The following PREP variants were observed in gnomAD, a reference collection of about 807,000 sequenced individuals.
PREP encodes prolyl endopeptidase.
PREP carries 29 observed loss-of-function variants against 87.6 expected under a neutral mutation model. The observed-to-expected ratio is 0.33, with a 90% CI of 0.25 to 0.45. The LOEUF is 0.45. Ranked by LOEUF, PREP falls within the 20% of genes least tolerant of loss-of-function variation. The probability of loss-of-function intolerance (pLI) is 1.00; values close to 1 mark genes in which losing one functional copy is unlikely to be tolerated. For missense variants in PREP, 695 were observed against 886.5 expected, an observed-to-expected ratio of 0.78 and a Z score of 2.74; for synonymous variants, 337 against 328.6, an observed-to-expected ratio of 1.03 and a Z score of -0.28.
Position 105,280,991 on chromosome 6 carries a change from A to G in PREP, c.1838+755T>C, listed in dbSNP as rs1002556436. 3.3e-5 allele frequency: 5 copies of G among 152,342 alleles called. No individual in the cohort carries two copies. In the East Asian group the frequency reaches 9.6e-4, roughly 29 times the overall value. 9.4% of individuals were successfully genotyped at this position (152,342 alleles called of 1,614,324 possible). A position where few individuals can be genotyped will look rare whatever the true frequency, so the allele number is the denominator to read the frequency against. ...TACCTTTTGATTGTTACAGTAACAA[A>G]TTACCACAAATTTTAGCAGCTTGAA... is the stretch of plus-strand genomic sequence containing the variant. On this transcript the variant is annotated intron_variant, in intron 14 of 14. Coordinates refer to ENST00000652536, the MANE Select transcript of PREP (RefSeq NM_002726.5).
intron 7 of PREP, among the ~76,000 whole-genome samples, chr6:105,336,600 C>T (rs930376316): frequency 6.6e-6 from 1 of 152,136 alleles, no homozygotes; most frequent in African/African-American, 2.4e-5. Context: ...TCTAGTGATG[C>T]TTTCTGCTTT....
intron 10 of PREP, among the ~76,000 whole-genome samples, chr6:105,299,684 T>C (rs1562191442): frequency 6.6e-6 from 1 of 152,240 alleles, no homozygotes; most frequent in Non-Finnish European, 1.5e-5. Flanking sequence ...AGTGTTTTTT[T>C]CCTACTATAT....
At chr6:105,294,655 T>TA (rs1247937730) in intron 10 of PREP, among the ~76,000 whole-genome samples, 6 of 152,162 alleles carry the variant, frequency 3.9e-5, no homozygotes, top group Non-Finnish European at 2.9e-5. Context: ...TCATGGGACT[T>TA]AAGAGTCTCC....
chr6:105,303,889 CAG>C (rs1423080672), intron 10 of PREP, among the ~76,000 whole-genome samples: 1 of 152,188 alleles, frequency 6.6e-6, no homozygotes, highest in Non-Finnish European at 1.5e-5. Flanking sequence ...TTTTTCACAA[CAG>C]AGTTTTCTTT....
At chr6:105,388,059 G>A (rs1773048804) in intron 2 of PREP, among the ~76,000 whole-genome samples, 1 of 152,174 alleles carries the variant, frequency 6.6e-6, no homozygotes, top group South Asian at 2.1e-4. Context: ...GCAGGCATGT[G>A]GCATTGGGGT....
chr6:105,340,852 T>C (rs1394743623), intron 7 of PREP, among the ~76,000 whole-genome samples: 1 of 152,198 alleles, frequency 6.6e-6, no homozygotes, highest in Non-Finnish European at 1.5e-5. Flanking sequence ...ATCCTAAATA[T>C]ATATGCACCC....
At chr6:105,306,906 A>AC (rs1393766309) in intron 10 of PREP, among the ~76,000 whole-genome samples, 3 of 152,176 alleles carry the variant, frequency 2.0e-5, no homozygotes, top group Non-Finnish European at 4.4e-5. Flanking sequence ...TGGGGCTCCA[A>AC]CCAGGCTACT....
At chr6:105,310,221 T>G (rs567161525) in intron 10 of PREP, among the ~76,000 whole-genome samples, 23 of 152,346 alleles carry the variant, frequency 1.5e-4, no homozygotes, top group African/African-American at 5.5e-4. Flanking sequence ...TTAAAAAATT[T>G]AAATATTTTT....
chr6:105,396,654 G>A (rs1773290909), intron 2 of PREP, among the ~76,000 whole-genome samples: 1 of 151,878 alleles, frequency 6.6e-6, no homozygotes, highest in African/African-American at 2.4e-5. Flanking sequence ...GGCGTTTGAA[G>A]ACTGGCCTGA....
chr6:105,275,841 C>CAAAT lies in PREP; in HGVS notation c.*2299_*2302dup, dbSNP rs1443896797. 6.6e-6 allele frequency among the ~76,000 whole-genome samples: 1 copy of CAAAT among 152,186 alleles called. No individual in the cohort carries two copies. The highest frequency in any genetic ancestry group is 1.9e-4 in the East Asian group (1 of 5,196). On this transcript the variant is annotated 3_prime_UTR_variant, in exon 15 of 15. Transcript: ENST00000652536. ...GTGAAATAAGCCAGGCACAGGAAGACAAATATCCCATGTTCTCCACTCATG... is the reference window on the plus strand; with the variant it reads ...GTGAAATAAGCCAGGCACAGGAAGACAAATAAATATCCCATGTTCTCCACTCATG...
rs368432358 is a variant in PREP at position 105,365,442 on chromosome 6, G to A, written c.717+3461C>T. On this transcript the variant is annotated intron_variant, in intron 6 of 14. Coordinates refer to ENST00000652536, the MANE Select transcript of PREP (RefSeq NM_002726.5). ...AGGGCACAAGAAATTCCCACCTCAA[G>A]ATTTTTTTCATGATCCAGATTTTTC... Among the ~76,000 whole-genome samples the A allele has an allele frequency of 9.9e-5, 15 of 152,242 alleles. No individual in the cohort carries two copies. The East Asian group carries it at 2.7e-3, about 27-fold the overall frequency.
chr6:105,320,613 G>A (rs1043456031), intron 10 of PREP, among the ~76,000 whole-genome samples: 3 of 152,154 alleles, frequency 2.0e-5, no homozygotes. Context: ...TCATAGTGTT[G>A]ACTAACCATG....
intron 10 of PREP, among the ~76,000 whole-genome samples, chr6:105,314,179 T>C (rs1481901498): frequency 6.6e-6 from 1 of 152,236 alleles, no homozygotes; most frequent in Non-Finnish European, 1.5e-5. Flanking sequence ...CTAATGATCA[T>C]CTGGGTCTTC....
chr6:105,296,385 G>GTT (rs200889673), intron 10 of PREP, among the ~76,000 whole-genome samples: 1 of 145,462 alleles, frequency 6.9e-6, no homozygotes, highest in Non-Finnish European at 1.5e-5. Context: ...TACACCAACA[G>GTT]TTTTTTTTTT....
In PREP at chr6:105,282,306, C is replaced by A. The variant is rs529135136; in HGVS notation, c.1681+145G>T. ...ATGTCATTTATCAGATACCCAAATA[C>A]AAATGGTACAAATGGGTTTTGCTCT... On this transcript the variant is annotated intron_variant, in intron 13 of 14. Coordinates refer to ENST00000652536, the MANE Select transcript of PREP (RefSeq NM_002726.5). 1.1e-5 allele frequency: 11 copies of A among 1,017,050 alleles called. No individual in the cohort carries two copies. The East Asian group carries it at 1.7e-4, about 16-fold the overall frequency. The allele number at this position is 1,017,050 out of a possible 1,614,324, so 63.0% of individuals were successfully genotyped here.
intron 10 of PREP, among the ~76,000 whole-genome samples, chr6:105,294,923 G>A (rs1468902674): frequency 6.6e-6 from 1 of 152,080 alleles, no homozygotes; most frequent in Non-Finnish European, 1.5e-5. Flanking sequence ...TGGGACCCTT[G>A]GACAGCTCTT....
intron 1 of PREP, among the ~76,000 whole-genome samples, chr6:105,400,380 A>T (rs1392642840): frequency 1.3e-5 from 2 of 152,180 alleles, no homozygotes; most frequent in African/African-American, 4.8e-5. Context: ...TGCCCTGCTC[A>T]TCTTTCCAGC....
chr6:105,324,929 G>A (rs1562200204), intron 9 of PREP, among the ~76,000 whole-genome samples: 1 of 152,142 alleles, frequency 6.6e-6, no homozygotes, highest in Non-Finnish European at 1.5e-5. Flanking sequence ...TACGATTAAC[G>A]CTGACAGTAA....
chr6:105,362,739 A>G (rs1772286969), intron 6 of PREP, among the ~76,000 whole-genome samples: 1 of 152,158 alleles, frequency 6.6e-6, no homozygotes, highest in African/African-American at 2.4e-5. Flanking sequence ...GGCAGTGCTA[A>G]TGAAACAGTG....
Sources: allele counts gnomAD v4.1 joint callset (sites outside exome capture counted in the v4.1 genomes callset), GRCh38; gene constraint gnomAD v4.1.1; transcripts MANE v1.5; gene names NCBI Gene and HGNC (gene_info 2026-07-23, HGNC 2026-07-21).